The following TECPR2 variants were observed in gnomAD, a reference collection of about 807,000 sequenced individuals.
The protein encoded by TECPR2 is tectonin beta-propeller repeat containing 2, also known as tectonin beta-propeller repeat-containing protein 2.
A neutral mutation model predicts 138.1 loss-of-function variants in TECPR2; 65 were observed. The ratio of observed to expected loss-of-function variants is 0.47; its 90% CI spans 0.39 to 0.58. TECPR2 has a LOEUF of 0.58. Ranked by LOEUF, TECPR2 falls within the 20% of genes least tolerant of loss-of-function variation. The probability of loss-of-function intolerance (pLI) is 0.00; values close to 1 mark genes in which losing one functional copy is unlikely to be tolerated. For missense variants in TECPR2, 1,553 were observed against 1,824.5 expected (o/e 0.85, Z 2.71); for synonymous variants, 746 against 749.8 (o/e 0.99, Z 0.08).
At chr14:102,373,626 T>C (rs1887565944) in intron 1 of TECPR2, among the ~76,000 whole-genome samples, 1 of 152,248 alleles carries the variant, frequency 6.6e-6, no homozygotes, top group South Asian at 2.1e-4. Flanking sequence ...GTAAAAACAT[T>C]AGCTATTCCC....
intron 16 of TECPR2, among the ~76,000 whole-genome samples, chr14:102,464,841 T>G (rs1890510666): frequency 6.6e-6 from 1 of 152,190 alleles, no homozygotes; most frequent in Admixed American, 6.5e-5. Context: ...GGCACTGTAC[T>G]GACAGCATCT....
chr14:102,440,791 G>A (rs1427694638), intron 11 of TECPR2, among the ~76,000 whole-genome samples, 182 bp downstream of exon 11: 1 of 152,224 alleles, frequency 6.6e-6, no homozygotes, highest in African/African-American at 2.4e-5. Context: ...TTCCTGCATT[G>A]ACACAAACTC....
rs929764722 is a variant in TECPR2 at position 102,363,433 on chromosome 14, C to T, written c.-73+317C>T. On this transcript the variant is annotated intron_variant, in intron 1 of 19. Coordinates refer to ENST00000359520, the MANE Select transcript of TECPR2 (RefSeq NM_014844.5). Reference sequence around the variant, plus strand: ...CTCGGCCCCCGGCCCCACCCTGCATCCCGGCTGCCGGTCTGGCCGCGGGCT... The same window carrying T: ...CTCGGCCCCCGGCCCCACCCTGCATTCCGGCTGCCGGTCTGGCCGCGGGCT... Among the ~76,000 whole-genome samples the T allele has an allele frequency of 4.6e-5, 7 of 152,294 alleles. No individual in the cohort carries two copies. The East Asian group carries it at 7.7e-4, about 17-fold the overall frequency.
At chr14:102,480,992 C>CCGCCACCA (rs1890882557) in intron 17 of TECPR2, among the ~76,000 whole-genome samples, 1 of 150,370 alleles carries the variant, frequency 6.7e-6, no homozygotes, top group Admixed American at 6.6e-5. Flanking sequence ...GTACAGGCAC[C>CCGCCACCA]CGCCACCACG....
At chr14:102,456,317 C>A (rs1890275841) in intron 16 of TECPR2, among the ~76,000 whole-genome samples, 1 of 152,190 alleles carries the variant, frequency 6.6e-6, no homozygotes, top group African/African-American at 2.4e-5. Flanking sequence ...CCTTATCCTG[C>A]CCTGAACTTT....
chr14:102,499,437 G>A lies in TECPR2; in HGVS notation c.*1180G>A. 1.8e-6 allele frequency: 1 copy of A among 569,504 alleles called. No individual in the cohort carries two copies. The highest frequency in any genetic ancestry group is 3.1e-6 in the Non-Finnish European group (1 of 318,078). 35.3% of individuals were successfully genotyped at this position (569,504 alleles called of 1,614,324 possible). On this transcript the variant is annotated 3_prime_UTR_variant, in exon 20 of 20. Coordinates refer to ENST00000359520, the MANE Select transcript of TECPR2 (RefSeq NM_014844.5). ...AAGCCCTTTGTTCCTTCCCGGGTTT[G>A]TCCTGAGCCTGCACTGTCCTCGCCT...
chr14:102,376,257 A>G lies in TECPR2; in HGVS notation c.-72-393A>G, dbSNP rs1887636086. Reference sequence around the variant, plus strand: ...GGATGTGTTCAGTGAAGCCATGTCTACACTCACTCTAATCCCCACTGATCT... The same window carrying G: ...GGATGTGTTCAGTGAAGCCATGTCTGCACTCACTCTAATCCCCACTGATCT... On this transcript the variant is annotated intron_variant, in intron 1 of 19. Coordinates refer to ENST00000359520, the MANE Select transcript of TECPR2 (RefSeq NM_014844.5). Among the ~76,000 whole-genome samples, 6 of 152,288 alleles carry G rather than the reference A, an allele frequency of 3.9e-5. No homozygotes were observed. In the South Asian group the frequency reaches 1.2e-3, roughly 32 times the overall value.
In TECPR2 at chr14:102,411,699, CAAAAAAAAAAAAAAA is replaced by C. The variant is rs1173849759; in HGVS notation, c.481-2919_481-2905del. Among the ~76,000 whole-genome samples the C allele has an allele frequency of 1.3e-3, 62 of 46,864 alleles. 5 individuals carry two copies. The East Asian group carries it at 0.015, about 11-fold the overall frequency. 30.7% of individuals were successfully genotyped at this position (46,864 alleles called of 152,430 possible). Reference sequence around the variant, plus strand: ...AGGTGAAATAAACAGCCATGTTGCTCAAAAAAAAAAAAAAAAAAAAAAAAAAAAAAAAGAAGATGG... The same window carrying C: ...AGGTGAAATAAACAGCCATGTTGCTCAAAAAAAAAAAAAAAAAGAAGATGG... On this transcript the variant is annotated intron_variant, in intron 4 of 19. Coordinates refer to ENST00000359520, the MANE Select transcript of TECPR2 (RefSeq NM_014844.5).
At chr14:102,417,347 G>T (rs1481743502) in intron 5 of TECPR2, among the ~76,000 whole-genome samples, 1 of 152,258 alleles carries the variant, frequency 6.6e-6, no homozygotes, top group African/African-American at 2.4e-5. Flanking sequence ...AGCTAGGCAT[G>T]TACACGTGGA....
At chr14:102,493,406 G>A (rs1891200724) in intron 17 of TECPR2, among the ~76,000 whole-genome samples, 1 of 152,178 alleles carries the variant, frequency 6.6e-6, no homozygotes, top group Non-Finnish European at 1.5e-5. Flanking sequence ...GGCCTCAGCT[G>A]GCAGGCCTCT....
Position 102,407,481 on chromosome 14 carries a change from T to C in TECPR2, c.348+15T>C. ...GAAATAAACAGGTGAGTACTCATGA[T>C]CTTAACACGTGTTAACTTCTTGGCA... On this transcript the variant is annotated intron_variant, in intron 3 of 19. Coordinates refer to ENST00000359520, the MANE Select transcript of TECPR2 (RefSeq NM_014844.5). The C allele has an allele frequency of 1.3e-6, 2 of 1,596,562 alleles. No individual in the cohort carries two copies. The highest frequency in any genetic ancestry group is 2.3e-5 in the South Asian group (2 of 87,862).
rs1889161475 is a variant in TECPR2 at position 102,420,883 on chromosome 14, C to T, written c.639-4096C>T. On this transcript the variant is annotated intron_variant, in intron 5 of 19. Transcript: ENST00000359520. The surrounding 1 kb of genome is among the most constrained non-coding windows in gnomAD (Gnocchi z 4.1). Reference sequence around the variant, plus strand: ...TCAGGACCTCGCCTTCTCATGCCCACTCAGATGCACCACCTTGATCTGAGC... The same window carrying T: ...TCAGGACCTCGCCTTCTCATGCCCATTCAGATGCACCACCTTGATCTGAGC... 6.6e-6 allele frequency among the ~76,000 whole-genome samples: 1 copy of T among 152,186 alleles called. No individual in the cohort carries two copies. Among genetic ancestry groups the T allele is most frequent in the Admixed American group, 6.5e-5 (1 of 15,280 alleles).
chr14:102,407,056 C>T (rs549653710), intron 2 of TECPR2, among the ~76,000 whole-genome samples: 16 of 152,064 alleles, frequency 1.1e-4, no homozygotes, highest in African/African-American at 3.6e-4. Context: ...GACGGGGTTT[C>T]GCCATGTTGG....
At chr14:102,425,854 G>A (rs553343966) in intron 6 of TECPR2, among the ~76,000 whole-genome samples, 335 of 149,278 alleles carry the variant, frequency 2.2e-3, no homozygotes, top group African/African-American at 7.7e-3. Flanking sequence ...GATTACAGGC[G>A]TGAGCCACCA....
At chr14:102,412,612 C>CTT (rs755517514) in intron 4 of TECPR2, among the ~76,000 whole-genome samples, 2 of 138,422 alleles carry the variant, frequency 1.4e-5, no homozygotes, top group Non-Finnish European at 3.2e-5. Context: ...AAGTGACAGG[C>CTT]TTTTTTTTTT....
At chr14:102,404,597 G>A (rs1307581908) in intron 2 of TECPR2, among the ~76,000 whole-genome samples, 1 of 145,894 alleles carries the variant, frequency 6.9e-6, no homozygotes, top group East Asian at 2.0e-4. Flanking sequence ...TTTTTTTTGA[G>A]ACAGACTGTC....
At chr14:102,475,062 A>G (rs2139780082) in intron 17 of TECPR2, among the ~76,000 whole-genome samples, 1 of 152,332 alleles carries the variant, frequency 6.6e-6, no homozygotes, top group East Asian at 1.9e-4. Context: ...CTCACAGGCT[A>G]CCGTAGAGAC....
At chr14:102,401,647 AC>A (rs1288721764) in intron 2 of TECPR2, among the ~76,000 whole-genome samples, 1 of 151,268 alleles carries the variant, frequency 6.6e-6, no homozygotes, top group Non-Finnish European at 1.5e-5. Context: ...ATTAAAAAAT[AC>A]AAAAAAATTA....
At chr14:102,460,110 A>T (rs933533164) in intron 16 of TECPR2, among the ~76,000 whole-genome samples, 1 of 152,058 alleles carries the variant, frequency 6.6e-6, no homozygotes, top group African/African-American at 2.4e-5. Context: ...GTCTCTACTT[A>T]AAATACAAAA....
Sources: allele counts gnomAD v4.1 joint callset (sites outside exome capture counted in the v4.1 genomes callset), GRCh38; gene constraint gnomAD v4.1.1; non-coding constraint Gnocchi (gnomAD v3.1); transcripts MANE v1.5; gene names NCBI Gene and HGNC (gene_info 2026-07-23, HGNC 2026-07-21).